The following HARBI1 variants were observed in gnomAD, a reference collection of about 807,000 sequenced individuals.
HARBI1 encodes the protein harbinger transposase derived 1.
Under a neutral mutation model 25.3 loss-of-function variants are expected in HARBI1, and 15 were observed. The observed-to-expected ratio is 0.59, with a 90% CI of 0.40 to 0.91. The LOEUF (loss-of-function observed/expected upper bound fraction) is 0.91, where lower values mean the gene tolerates loss of function less well. Ranked by LOEUF, HARBI1 falls within the 40% of genes least tolerant of loss-of-function variation. The pLI is 0.00. For missense variants in HARBI1, 396 were observed against 445.8 expected (o/e 0.89, Z 1.01); for synonymous variants, 168 against 160.5 (o/e 1.05, Z -0.35).
At position 46,604,575 on chromosome 11, in the gene HARBI1, G is replaced by A. The variant is rs535449155; in HGVS notation, c.671-666C>T. On this transcript the variant is annotated intron_variant, in intron 2 of 2. Transcript: ENST00000326737. ...CCAAGAGATCCCAAAACACTTGTGAGGGGAAGTCTTAACTTTACCCTCAAA... is the reference window on the plus strand; with the variant it reads ...CCAAGAGATCCCAAAACACTTGTGAAGGGAAGTCTTAACTTTACCCTCAAA... 9.5e-5 allele frequency: 94 copies of A among 985,372 alleles called. No homozygotes were observed. The African/African-American group carries it at 1.6e-3, about 16-fold the overall frequency. The allele number at this position is 985,372 out of a possible 1,614,324, so 61.0% of individuals were successfully genotyped here.
Position 46,603,501 on chromosome 11 carries a change from G to C in HARBI1, c.*29C>G. On this transcript the variant is annotated 3_prime_UTR_variant, in exon 3 of 3. Transcript: ENST00000326737. ...GGAGGAAAGTCTGTCACAACTCCTG[G>C]GAAGTATCCCTCCTCTCCACCTTCT... The C allele has an allele frequency of 1.9e-6, 3 of 1,543,494 alleles. No homozygotes were observed. The highest frequency in any genetic ancestry group is 2.6e-6 in the Non-Finnish European group (3 of 1,142,046).
chr11:46,603,758 C>T lies in HARBI1; in HGVS notation c.822G>A (p.Leu274=). Residue 274 remains leucine, a synonymous_variant, in exon 3 of 3, where the codon CTG becomes CTA. Transcript: ENST00000326737. ...ACTGCAGTGCCCCCTTGGATCCATC[C>T]AGGCAGCGGAATCGGGAGCAGAGGG... The part of the protein sequence containing the change: ...FRTLCSRFRC[L]DGSKGALQYS... 1 of 1,614,204 alleles carries T rather than the reference C, an allele frequency of 6.2e-7. No individual in the cohort carries two copies. The highest frequency in any genetic ancestry group is 8.5e-7 in the Non-Finnish European group (1 of 1,180,042).
intron 1 of HARBI1, 39 bp downstream of exon 1, chr11:46,617,085 T>C (rs959904890): frequency 2.5e-5 from 21 of 826,596 alleles, no homozygotes; most frequent in Non-Finnish European, 2.8e-5. Context: ...CAAAGTCTGA[T>C]TGCGCCGGCC....
chr11:46,603,558 T>C lies in HARBI1; in HGVS notation c.1022A>G (p.Gln341Arg), dbSNP rs2044830469. The C allele has an allele frequency of 6.2e-7, 1 of 1,606,634 alleles. No homozygotes were observed. The highest frequency in any genetic ancestry group is 8.5e-7 in the Non-Finnish European group (1 of 1,175,332). The change falls in exon 3 of 3, where the codon CAG (glutamine) becomes CGG (arginine). Residue 341 changes from glutamine (Q) to arginine (R), a missense_variant. Coordinates refer to ENST00000326737, the MANE Select transcript of HARBI1 (RefSeq NM_173811.4). Reference protein sequence around the residue: ...SLDLEADRIRQELMLTHFS With the variant: ...SLDLEADRIRRELMLTHFS ...GCTAAAATGAGTGAGCATTAGCTCC[T>C]GACGAATACGGTCAGCCTCTAAGTC...
intron 2 of HARBI1, among the ~76,000 whole-genome samples, chr11:46,609,095 T>C (rs1282873474): frequency 2.0e-5 from 3 of 151,834 alleles, no homozygotes; most frequent in Non-Finnish European, 4.4e-5. Context: ...GGCTAATTTT[T>C]ATATTTTTAG....
Position 46,616,109 on chromosome 11 carries a change from C to A in HARBI1, c.129G>T (p.Arg43=). The A allele has an allele frequency of 6.2e-7, 1 of 1,614,170 alleles. No homozygotes were observed. Among genetic ancestry groups the A allele is most frequent in the Non-Finnish European group, 8.5e-7 (1 of 1,180,038 alleles). The change falls in exon 2 of 3, where the codon CGG becomes CGT. Residue 43 remains arginine (R), a synonymous_variant. Transcript: ENST00000326737. Reference sequence around the variant, plus strand: ...GCTCCACCAAGTAATAAATGAACTGCCGTGGAAACCCATACATGGACATCA... The same window carrying A: ...GCTCCACCAAGTAATAAATGAACTGACGTGGAAACCCATACATGGACATCA... ...EYLMSMYGFP[R]QFIYYLVELL... is the part of the protein sequence containing the mutation.
chr11:46,614,860 T>C (rs2045314683), intron 2 of HARBI1, among the ~76,000 whole-genome samples: 1 of 152,240 alleles, frequency 6.6e-6, no homozygotes, highest in Non-Finnish European at 1.5e-5. Context: ...CTGACAGGAC[T>C]GAGACTCAGC....
chr11:46,615,573 A>T lies in HARBI1; in HGVS notation c.665T>A (p.Leu222His). The change falls in exon 2 of 3, where the codon CTT (leucine) becomes CAT (histidine). Residue 222 changes from leucine (L) to histidine (H), a missense_variant. By Grantham distance (99) the Leu-to-His change is moderately conservative. Transcript: ENST00000326737. ...ATTCACACTTGCAAACTTACCCAGA[A>T]GCCAGCTATCTTTGTGCATACCCGC... ...FEAGMHKDSW[L>H]LGDSSFFLRT... 6.2e-7 allele frequency: 1 copy of T among 1,611,280 alleles called. No homozygotes were observed. The highest frequency in any genetic ancestry group is 8.5e-7 in the Non-Finnish European group (1 of 1,177,916).
chr11:46,604,048 G>A (rs926504971), intron 2 of HARBI1, 139 bp from the exon 3 acceptor site: 21 of 1,402,576 alleles, frequency 1.5e-5, no homozygotes, highest in South Asian at 3.3e-5. Flanking sequence ...AAAACCAAGC[G>A]GAAAATGCTA....
intron 2 of HARBI1, chr11:46,604,573 G>T: frequency 2.0e-6 from 2 of 985,374 alleles, no homozygotes; most frequent in South Asian, 4.7e-5. Context: ...AAACACTTGT[G>T]AGGGGAAGTC....
At chr11:46,607,056 G>C (rs1039698394) in intron 2 of HARBI1, among the ~76,000 whole-genome samples, 1 of 152,156 alleles carries the variant, frequency 6.6e-6, no homozygotes, top group Non-Finnish European at 1.5e-5. Flanking sequence ...CCTGAGGTCA[G>C]GAGTTTGAGA....
At chr11:46,604,056 C>T in intron 2 of HARBI1, 147 bp from the exon 3 acceptor site, 1 of 1,404,994 alleles carries the variant, frequency 7.1e-7, no homozygotes. Context: ...GCGGAAAATG[C>T]TATGGTAAAA....
Position 46,606,457 on chromosome 11 carries a change from C to A in HARBI1, c.671-2548G>T, listed in dbSNP as rs1360693989. Reference sequence around the variant, plus strand: ...TCTCCTGAGTAGCTGGGACTACAGGCATGTACCACCATGACTGGCTAATTT... The same window carrying A: ...TCTCCTGAGTAGCTGGGACTACAGGAATGTACCACCATGACTGGCTAATTT... On this transcript the variant is annotated intron_variant, in intron 2 of 2. Coordinates refer to ENST00000326737, the MANE Select transcript of HARBI1 (RefSeq NM_173811.4). 2.6e-5 allele frequency among the ~76,000 whole-genome samples: 4 copies of A among 151,568 alleles called. 1 individual carries two copies. The East Asian group carries it at 7.8e-4, about 30-fold the overall frequency.
Position 46,616,923 on chromosome 11 carries a change from T to TC in HARBI1, c.-145+200dup, listed in dbSNP as rs745907473. 81 of 982,606 alleles carry TC rather than the reference T, an allele frequency of 8.2e-5. No homozygotes were observed. The Middle Eastern group carries it at 2.1e-3, about 26-fold the overall frequency. 60.9% of individuals were successfully genotyped at this position (982,606 alleles called of 1,614,324 possible). ...ACTGTGTGCTGTAACAAAAGGCTTT[T>TC]CCCTCACTCCAAGAACTCCAAATCG... is the stretch of plus-strand genomic sequence containing the variant. On this transcript the variant is annotated intron_variant, in intron 1 of 2. Coordinates refer to ENST00000326737, the MANE Select transcript of HARBI1 (RefSeq NM_173811.4).
chr11:46,611,771 A>T (rs995459380), intron 2 of HARBI1, among the ~76,000 whole-genome samples: 1 of 151,984 alleles, frequency 6.6e-6, no homozygotes, highest in Non-Finnish European at 1.5e-5. Flanking sequence ...TCAGCTTGGA[A>T]CCCAAGTACT....
In HARBI1 at chr11:46,603,708, A is replaced by G. The variant is rs748317544; in HGVS notation, c.872T>C (p.Ile291Thr). 1 of 1,614,146 alleles carries G rather than the reference A, an allele frequency of 6.2e-7. No homozygotes were observed. The highest frequency in any genetic ancestry group is 8.5e-7 in the Non-Finnish European group (1 of 1,180,012). The change falls in exon 3 of 3, where the codon ATC (isoleucine) becomes ACC (threonine). Residue 291 changes from isoleucine to threonine, a missense_variant. Physicochemically the swap from Ile to Thr is moderately conservative, Grantham distance 89. Coordinates refer to ENST00000326737, the MANE Select transcript of HARBI1 (RefSeq NM_173811.4). ...GTGGAGGACACAACAGGCCAAGATG[A>G]TATGGCTGGATTTCTCTGGTGAGTA... The part of the protein sequence containing the change: ...LQYSPEKSSH[I>T]ILACCVLHNI...
At chr11:46,616,995 C>G in intron 1 of HARBI1, 129 bp downstream of exon 1, 1 of 985,324 alleles carries the variant, frequency 1.0e-6, no homozygotes, top group Non-Finnish European at 1.2e-6. Context: ...CATTGGAAGT[C>G]GGGAGCGAAA....
At chr11:46,610,609 G>A (rs989588562) in intron 2 of HARBI1, among the ~76,000 whole-genome samples, 11 of 152,088 alleles carry the variant, frequency 7.2e-5, no homozygotes, top group Admixed American at 4.6e-4. Flanking sequence ...GCAGTGAGCC[G>A]AGATCGCACC....
rs766607928 is a variant in HARBI1, at chr11:46,603,562, G to A, written c.1018C>T (p.Arg340Cys). 4.4e-6 allele frequency: 7 copies of A among 1,608,288 alleles called. No individual in the cohort carries two copies. The highest frequency in any genetic ancestry group is 4.3e-6 in the Non-Finnish European group (5 of 1,176,366). ...ESLDLEADRI[R>C]QELMLTHFS ...AAATGAGTGAGCATTAGCTCCTGAC[G>A]AATACGGTCAGCCTCTAAGTCCAGG... The change falls in exon 3 of 3, where the codon CGT (arginine) becomes TGT (cysteine). Residue 340 changes from arginine to cysteine, a missense_variant. Transcript: ENST00000326737.
Sources: allele counts gnomAD v4.1 joint callset (sites outside exome capture counted in the v4.1 genomes callset), GRCh38; gene constraint gnomAD v4.1.1; transcripts MANE v1.5; gene names NCBI Gene and HGNC (gene_info 2026-07-23, HGNC 2026-07-21).